ATF6: variants seen among roughly 807,000 people sequenced by gnomAD.
The protein encoded by ATF6 is activating transcription factor 6, also known as cyclic AMP-dependent transcription factor ATF-6 alpha.
ATF6 carries 53 observed loss-of-function variants against 83.6 expected under a neutral mutation model. That is an observed-to-expected ratio of 0.63 (90% confidence interval 0.51 to 0.80). ATF6 has a LOEUF of 0.80. Among genes scored for constraint, ATF6 ranks in the 30% least tolerant of loss-of-function variants. The pLI is 0.00. For missense variants in ATF6, 744 were observed against 797.9 expected, an observed-to-expected ratio of 0.93 and a Z score of 0.81; for synonymous variants, 288 against 285.8, an observed-to-expected ratio of 1.01 and a Z score of -0.08.
chr1:161,790,054 T>G (rs1432306047), intron 4 of ATF6, among the ~76,000 whole-genome samples: 3 of 152,180 alleles, frequency 2.0e-5, no homozygotes, highest in Non-Finnish European at 4.4e-5. Context: ...TGACTACCAT[T>G]TGCGTTTCCT....
At chr1:161,906,593 A>G (rs1025835653) in intron 14 of ATF6, among the ~76,000 whole-genome samples, 1 of 152,228 alleles carries the variant, frequency 6.6e-6, no homozygotes, top group Non-Finnish European at 1.5e-5. Context: ...ATTTGTACTT[A>G]TTAGGATTTC....
At chr1:161,808,993 C>G (rs549391428) in intron 7 of ATF6, among the ~76,000 whole-genome samples, 2 of 152,232 alleles carry the variant, frequency 1.3e-5, no homozygotes, top group East Asian at 3.9e-4. Flanking sequence ...CATTGAATAA[C>G]TTGGTACTTA....
intron 14 of ATF6, among the ~76,000 whole-genome samples, chr1:161,885,753 T>G (rs897550364): frequency 9.2e-5 from 14 of 152,186 alleles, no homozygotes; most frequent in African/African-American, 3.4e-4. Flanking sequence ...TACCAGGCAC[T>G]GTGCTACCAT....
At chr1:161,904,346 G>A (rs1417283572) in intron 14 of ATF6, among the ~76,000 whole-genome samples, 4 of 152,102 alleles carry the variant, frequency 2.6e-5, no homozygotes, top group African/African-American at 9.7e-5. Flanking sequence ...CCAGCACTTT[G>A]GGAGGCTGAA....
intron 4 of ATF6, among the ~76,000 whole-genome samples, chr1:161,786,927 A>G (rs2101734828): frequency 6.6e-6 from 1 of 152,342 alleles, no homozygotes; most frequent in African/African-American, 2.4e-5. Context: ...TCAGTATGAA[A>G]CAGTTCTTCA....
intron 15 of ATF6, among the ~76,000 whole-genome samples, chr1:161,955,261 TTCTCTGTTTCCCCAGTTAAAACTCGA>T (rs1688943503): frequency 6.6e-6 from 1 of 152,236 alleles, no homozygotes; most frequent in Admixed American, 6.5e-5. Context: ...AGCCAGAGTC[TTCTCTGTTTCCCCAGTTAAAACTCGA>T]TCTGATAGTT....
intron 9 of ATF6, among the ~76,000 whole-genome samples, chr1:161,827,887 A>T (rs1024851735): frequency 6.6e-6 from 1 of 152,136 alleles, no homozygotes; most frequent in African/African-American, 2.4e-5. Context: ...GACCTTATCG[A>T]TATTTTGTGG....
At chr1:161,862,767 T>C (rs1686910813) in intron 13 of ATF6, among the ~76,000 whole-genome samples, 1 of 152,190 alleles carries the variant, frequency 6.6e-6, no homozygotes, top group Admixed American at 6.5e-5. Context: ...TCCTAAGCTT[T>C]TTCCACCTTT....
intron 14 of ATF6, among the ~76,000 whole-genome samples, chr1:161,864,942 GTGT>G (rs1355400741): frequency 6.6e-6 from 1 of 152,190 alleles, no homozygotes; most frequent in Non-Finnish European, 1.5e-5. Context: ...TAAAATGATT[GTGT>G]TGAAGTATAT....
At chr1:161,807,029 A>G (rs564483569) in intron 7 of ATF6, among the ~76,000 whole-genome samples, 107 of 152,204 alleles carry the variant, frequency 7.0e-4, no homozygotes, top group African/African-American at 2.5e-3. Flanking sequence ...GCAAGCAGAA[A>G]GCAAGCCTCC....
chr1:161,871,724 A>G (rs1045988355), intron 14 of ATF6, among the ~76,000 whole-genome samples: 1 of 151,640 alleles, frequency 6.6e-6, no homozygotes, highest in Non-Finnish European at 1.5e-5. Context: ...GACATCTGCT[A>G]TGTGACTTTA....
chr1:161,925,060 T>C (rs771823599), intron 15 of ATF6, among the ~76,000 whole-genome samples: 52 of 152,212 alleles, frequency 3.4e-4, no homozygotes, highest in Non-Finnish European at 2.5e-4. Context: ...AATATAATAT[T>C]TCTTCCACAT....
chr1:161,798,207 C>T (rs1685065575), intron 6 of ATF6, among the ~76,000 whole-genome samples: 1 of 152,080 alleles, frequency 6.6e-6, no homozygotes, highest in Non-Finnish European at 1.5e-5. Context: ...TTATAAAAAC[C>T]CTAGAAGAAA....
At chr1:161,805,612 A>G (rs1179330367) in intron 7 of ATF6, among the ~76,000 whole-genome samples, 1 of 152,136 alleles carries the variant, frequency 6.6e-6, no homozygotes, top group East Asian at 1.9e-4. Context: ...GCAGAGAAGA[A>G]CTTTGATCAG....
chr1:161,900,757 CAT>C (rs1258769806), intron 14 of ATF6, among the ~76,000 whole-genome samples: 8 of 152,166 alleles, frequency 5.3e-5, no homozygotes, highest in African/African-American at 1.9e-4. Flanking sequence ...TTAGCTGAGA[CAT>C]GTTCATTCTG....
chr1:161,831,934 TAAAGTA>T (rs1241142915), intron 9 of ATF6, among the ~76,000 whole-genome samples: 1 of 144,712 alleles, frequency 6.9e-6, no homozygotes, highest in East Asian at 2.1e-4. Flanking sequence ...CCCTAGAACT[TAAAGTA>T]TAATAAAAAA....
At chr1:161,941,287 T>G (rs1688637455) in intron 15 of ATF6, among the ~76,000 whole-genome samples, 1 of 152,254 alleles carries the variant, frequency 6.6e-6, no homozygotes, top group African/African-American at 2.4e-5. Flanking sequence ...TAATGCCTGA[T>G]AGTGCAAAAA....
intron 15 of ATF6, among the ~76,000 whole-genome samples, chr1:161,945,314 CT>C (rs1171535055): frequency 6.6e-6 from 1 of 152,208 alleles, no homozygotes; most frequent in Non-Finnish European, 1.5e-5. Flanking sequence ...CCTCAGTCAC[CT>C]TCTTATTCCA....
chr1:161,885,186 T>C (rs1050055437), intron 14 of ATF6, among the ~76,000 whole-genome samples: 3 of 152,182 alleles, frequency 2.0e-5, no homozygotes, highest in African/African-American at 7.2e-5. Flanking sequence ...TTCTTACATC[T>C]TCTTCTCTCA....
Sources: gnomAD v4.1 joint callset for allele counts (sites outside exome capture counted in the v4.1 genomes callset) on GRCh38, gnomAD v4.1.1 for gene constraint, MANE v1.5 for transcripts, NCBI Gene and HGNC (gene_info 2026-07-23, HGNC 2026-07-21) for gene names.